The following NLRP2 variants were observed in gnomAD, a reference collection of about 807,000 sequenced individuals.
NLRP2 encodes NLR family pyrin domain containing 2, also known as NACHT, LRR and PYD domains-containing protein 2.
In NLRP2, 107 loss-of-function variants were observed where a neutral mutation model predicts 97.2. The observed-to-expected ratio is 1.10, with a 90% CI of 0.94 to 1.29. NLRP2 has a LOEUF of 1.29. Ranked by LOEUF, NLRP2 falls within the 50% of genes most tolerant of loss-of-function variation. NLRP2 has a pLI of 0.00. For synonymous variants in NLRP2, 663 were observed against 551.5 expected (o/e 1.20, Z -2.83); for missense variants, 1,495 against 1,330.3 (o/e 1.12, Z -1.93).
chr19:54,986,421 A>G, intron 8 of NLRP2, 106 bp downstream of exon 8: 1 of 1,014,942 alleles, frequency 9.9e-7, no homozygotes, highest in Non-Finnish European at 1.5e-6. Context: ...TCTGACTAGA[A>G]ACAGTACTAA....
chr19:54,978,380 G>T (rs1357791616), intron 4 of NLRP2, among the ~76,000 whole-genome samples: 2 of 151,848 alleles, frequency 1.3e-5, no homozygotes, highest in African/African-American at 2.4e-5. Flanking sequence ...GACTACAGGT[G>T]CATGCCACCA....
Position 54,990,500 on chromosome 19 carries a change from A to G in NLRP2, c.2538-2A>G. The G allele has an allele frequency of 1.2e-6, 2 of 1,614,074 alleles. No individual in the cohort carries two copies. The highest frequency in any genetic ancestry group is 4.5e-5 in the East Asian group (2 of 44,868). On this transcript the variant is annotated splice_acceptor_variant, in intron 9 of 12. Coordinates refer to ENST00000448584, the MANE Select transcript of NLRP2 (RefSeq NM_017852.5). LOFTEE classifies it high-confidence loss of function. ...GTGTTGCCATTTGTGATTCTTTTGT[A>G]GGTTGGAAAACTGTCACCTTACAGA... is the stretch of plus-strand genomic sequence containing the variant.
Position 54,982,733 on chromosome 19 carries a change from G to A in NLRP2, c.1035G>A (p.Arg345=). ...TTRPRALRDL[R]ILAEEPIYIR... ...GGCCCAGGGCCCTGAGGGACCTCCG[G>A]ATCCTGGCGGAGGAGCCGATCTACA... The change falls in exon 6 of 13, where the codon CGG becomes CGA. Residue 345 remains arginine, a synonymous_variant. Coordinates refer to ENST00000448584, the MANE Select transcript of NLRP2 (RefSeq NM_017852.5). 6.2e-7 allele frequency: 1 copy of A among 1,614,058 alleles called. No individual in the cohort carries two copies. Among genetic ancestry groups the A allele is most frequent in the Non-Finnish European group, 8.5e-7 (1 of 1,179,988 alleles).
intron 11 of NLRP2, among the ~76,000 whole-genome samples, chr19:54,995,715 ACCT>A (rs1164877482): frequency 1.3e-5 from 2 of 152,080 alleles, no homozygotes; most frequent in African/African-American, 4.8e-5. Context: ...ATGCACTTGA[ACCT>A]GGAATCCTAT....
At chr19:54,996,969 G>A (rs1021711943) in intron 11 of NLRP2, among the ~76,000 whole-genome samples, 7 of 152,106 alleles carry the variant, frequency 4.6e-5, no homozygotes, top group African/African-American at 1.7e-4. Context: ...GTGCAATGGC[G>A]CGATCTCGGC....
rs2072362981 is a variant in NLRP2, at chr19:54,990,072, C to T, written c.2417C>T (p.Ala806Val). Residue 806 changes from alanine to valine, a missense_variant, in exon 9 of 13, where the codon GCC (alanine) becomes GTC (valine). Ala to Val is a moderately conservative substitution (Grantham distance 64, BLOSUM62 0). Transcript: ENST00000448584. ...TTQQWADLSL[A>V]LEVNQSLTCV... ...CAGCAGTGGGCTGATCTCTCCTTGG[C>T]CCTTGAAGTCAACCAGTCCCTGACG... is the stretch of plus-strand genomic sequence containing the variant. The T allele has an allele frequency of 6.2e-7, 1 of 1,614,086 alleles. No homozygotes were observed. Among genetic ancestry groups the T allele is most frequent in the Non-Finnish European group, 8.5e-7 (1 of 1,180,026 alleles).
intron 10 of NLRP2, 130 bp from the exon 11 acceptor site, chr19:54,994,139 C>A: frequency 1.0e-6 from 1 of 993,456 alleles, no homozygotes; most frequent in South Asian, 1.3e-5. Flanking sequence ...ACCACACCAC[C>A]CCATGATTCC....
intron 11 of NLRP2, among the ~76,000 whole-genome samples, chr19:54,995,816 T>A (rs1473249553): frequency 4.6e-5 from 7 of 151,620 alleles, no homozygotes; most frequent in Non-Finnish European, 1.0e-4. Context: ...CCAAGGCAGG[T>A]AGATTGCTTG....
In NLRP2 at chr19:54,982,892, C is replaced by G. The variant is rs79231339; in HGVS notation, c.1194C>G (p.Pro398=). The change falls in exon 6 of 13, where the codon CCC becomes CCG. Residue 398 remains proline, a synonymous_variant. Coordinates refer to ENST00000448584, the MANE Select transcript of NLRP2 (RefSeq NM_017852.5). The part of the protein sequence containing the change: ...NAALFQLGSA[P]AVCWIVCTTL... Reference sequence around the variant, plus strand: ...CCCTGTTCCAGCTGGGCTCGGCCCCCGCGGTGTGCTGGATCGTGTGCACGA... The same window carrying G: ...CCCTGTTCCAGCTGGGCTCGGCCCCGGCGGTGTGCTGGATCGTGTGCACGA... 6.2e-7 allele frequency: 1 copy of G among 1,613,094 alleles called. No homozygotes were observed. The highest frequency in any genetic ancestry group is 8.5e-7 in the Non-Finnish European group (1 of 1,179,992).
chr19:55,000,616 G>T, intron 12 of NLRP2, 144 bp from the exon 13 acceptor site: 21 of 714,804 alleles, frequency 2.9e-5, no homozygotes, highest in Non-Finnish European at 4.2e-5. Context: ...AAAAATCAAT[G>T]TGGAACACTC....
intron 1 of NLRP2, among the ~76,000 whole-genome samples, chr19:54,967,917 A>ATTTTTTTTT (rs55659818): frequency 3.2e-5 from 4 of 126,306 alleles, no homozygotes; most frequent in Non-Finnish European, 6.6e-5. Context: ...TGCTACTGCT[A>ATTTTTTTTT]TTTTTTTTTT....
At chr19:54,991,922 G>T (rs1189717675) in intron 10 of NLRP2, among the ~76,000 whole-genome samples, 1 of 127,406 alleles carries the variant, frequency 7.8e-6, no homozygotes, top group African/African-American at 2.7e-5. Context: ...AACATCTCTG[G>T]TATTTTTTTT....
intron 11 of NLRP2, among the ~76,000 whole-genome samples, chr19:54,996,045 AAAAAAAAAC>A (rs1311957816): frequency 4.7e-5 from 7 of 148,092 alleles, no homozygotes; most frequent in Non-Finnish European, 8.9e-5. Context: ...CTCAAAAAAA[AAAAAAAAAC>A]AAAAAAAACA....
chr19:54,982,698 G>T lies in NLRP2; in HGVS notation c.1000G>T (p.Val334Phe). The T allele has an allele frequency of 1.2e-6, 2 of 1,614,076 alleles. No individual in the cohort carries two copies. Among genetic ancestry groups the T allele is most frequent in the Non-Finnish European group, 1.7e-6 (2 of 1,179,980 alleles). Residue 334 changes from valine (V) to phenylalanine (F), a missense_variant, in exon 6 of 13, where the codon GTC becomes TTC. Coordinates refer to ENST00000448584, the MANE Select transcript of NLRP2 (RefSeq NM_017852.5). ...RVMLPKAALL[V>F]TTRPRALRDL... ...GATGTTACCCAAGGCCGCCCTGCTG[G>T]TCACCACGCGGCCCAGGGCCCTGAG...
In NLRP2 at chr19:54,983,193, T is replaced by C; in HGVS notation, c.1495T>C (p.Tyr499His). Residue 499 changes from tyrosine to histidine, a missense_variant, in exon 6 of 13, where the codon TAC becomes CAC. Transcript: ENST00000448584. ...CCAGGACAGAGTCTCCAAAGGCTGC[T>C]ACTCCTTCATCCACCTCAGCTTCCA... Reference protein sequence around the residue: ...LRQDRVSKGCYSFIHLSFQQF... With the variant: ...LRQDRVSKGCHSFIHLSFQQF... The C allele has an allele frequency of 1.2e-6, 2 of 1,614,074 alleles. No homozygotes were observed. The highest frequency in any genetic ancestry group is 4.5e-5 in the East Asian group (2 of 44,860).
intron 1 of NLRP2, among the ~76,000 whole-genome samples, chr19:54,969,739 A>G (rs184287771): frequency 8.3e-4 from 126 of 152,278 alleles, no homozygotes; most frequent in African/African-American, 2.9e-3. Context: ...GGCTCACTGC[A>G]GTTTCAGTCT....
At chr19:54,990,799 A>G in intron 10 of NLRP2, 127 bp downstream of exon 10, 2 of 938,762 alleles carry the variant, frequency 2.1e-6, no homozygotes, top group Middle Eastern at 2.1e-4. Context: ...GCTAATGACA[A>G]CTGGTAAGAC....
chr19:54,983,982 C>CT (rs1214953661), intron 6 of NLRP2, among the ~76,000 whole-genome samples: 2 of 152,112 alleles, frequency 1.3e-5, no homozygotes, highest in African/African-American at 4.8e-5. Context: ...TCCTGAGTAG[C>CT]TGGGACTACA....
In NLRP2 at chr19:54,966,401, G is replaced by T. The variant is rs1004547909; in HGVS notation, c.-84G>T. 6.6e-6 allele frequency: 1 copy of T among 152,040 alleles called. No homozygotes were observed. Among genetic ancestry groups the T allele is most frequent in the African/African-American group, 2.4e-5 (1 of 41,398 alleles). The allele number at this position is 152,040 out of a possible 1,614,324, so 9.4% of individuals were successfully genotyped here. ...TCACAGGGCTGCGGCCGAGAGAGAAGCCTTATTAGAGCTTTCTCAACCTGC... is the reference window on the plus strand; with the variant it reads ...TCACAGGGCTGCGGCCGAGAGAGAATCCTTATTAGAGCTTTCTCAACCTGC... On this transcript the variant is annotated 5_prime_UTR_variant, in exon 1 of 13. Coordinates refer to ENST00000448584, the MANE Select transcript of NLRP2 (RefSeq NM_017852.5).
Sources: allele counts gnomAD v4.1 joint callset (sites outside exome capture counted in the v4.1 genomes callset), GRCh38; gene constraint gnomAD v4.1.1; transcripts MANE v1.5; gene names NCBI Gene and HGNC (gene_info 2026-07-23, HGNC 2026-07-21).